The following FOXP4 variants were observed in gnomAD, a reference collection of about 807,000 sequenced individuals.
The protein encoded by FOXP4 is forkhead box P4.
FOXP4 carries 25 observed loss-of-function variants against 82.6 expected under a neutral mutation model. The ratio of observed to expected loss-of-function variants is 0.30; its 90% CI spans 0.22 to 0.42. The LOEUF (loss-of-function observed/expected upper bound fraction) is 0.42, where lower values mean the gene tolerates loss of function less well. FOXP4 is among the 10% of genes least tolerant of loss of function. FOXP4 has a pLI of 1.00. For synonymous variants in FOXP4, 415 were observed against 388.2 expected, an observed-to-expected ratio of 1.07 and a Z score of -0.81; for missense variants, 785 against 900.9, an observed-to-expected ratio of 0.87 and a Z score of 1.65.
At chr6:41,589,674 C>A in intron 9 of FOXP4, 97 bp from the exon 10 acceptor site, 2 of 1,250,012 alleles carry the variant, frequency 1.6e-6, no homozygotes, top group Non-Finnish European at 2.3e-6. Context: ...GGGTGGGAAT[C>A]GGCGGCCTTC....
Position 41,588,728 on chromosome 6 carries a change from C to A in FOXP4, c.1062C>A (p.Ile354=), listed in dbSNP as rs751730569. ...TGCAGGTGGTGCAGCAGCTGGAGATCCAGGTGTGGCCCGGAAGATGCTGGG... is the reference window on the plus strand; with the variant it reads ...TGCAGGTGGTGCAGCAGCTGGAGATACAGGTGTGGCCCGGAAGATGCTGGG... ...VQMQVVQQLE[I]QLAKESERLQ... The change falls in exon 9 of 17, where the codon ATC becomes ATA. Residue 354 remains isoleucine (I), a synonymous_variant. Transcript: ENST00000307972. 1 of 1,613,428 alleles carries A rather than the reference C, an allele frequency of 6.2e-7. No individual in the cohort carries two copies. The highest frequency in any genetic ancestry group is 8.5e-7 in the Non-Finnish European group (1 of 1,180,018).
chr6:41,586,875 C>T (rs1456465202), intron 5 of FOXP4, 134 bp from the exon 6 acceptor site: 1 of 1,384,554 alleles, frequency 7.2e-7, no homozygotes, highest in South Asian at 1.5e-5. Context: ...AGAGACACTG[C>T]AGCTGCAGAC....
chr6:41,570,139 T>A, intron 2 of FOXP4: 1 of 347,560 alleles, frequency 2.9e-6, no homozygotes, highest in Non-Finnish European at 5.8e-6. Context: ...TTGTCTTTGG[T>A]CTGCAGGTCC....
chr6:41,554,897 T>C (rs1581700909), intron 1 of FOXP4, among the ~76,000 whole-genome samples: 2 of 150,278 alleles, frequency 1.3e-5, no homozygotes, highest in South Asian at 2.1e-4. Context: ...TACAAGAAGA[T>C]CTCAGAGAGA....
chr6:41,600,689 C>G lies in FOXP4; in HGVS notation c.*1753C>G, dbSNP rs1767178782. The G allele has an allele frequency of 6.6e-6, 1 of 152,334 alleles. No homozygotes were observed. The highest frequency in any genetic ancestry group is 1.5e-5 in the Non-Finnish European group (1 of 68,124). The allele number at this position is 152,334 out of a possible 1,614,324, so 9.4% of individuals were successfully genotyped here. A position where few individuals can be genotyped will look rare whatever the true frequency, so the allele number is the denominator to read the frequency against. On this transcript the variant is annotated 3_prime_UTR_variant, in exon 17 of 17. Transcript: ENST00000307972. Reference sequence around the variant, plus strand: ...ATTAAAGCTGAAAGATCGCTCTGCTCGGGGAGCCTGGGCAGAGCAGCAGCA... The same window carrying G: ...ATTAAAGCTGAAAGATCGCTCTGCTGGGGGAGCCTGGGCAGAGCAGCAGCA...
At chr6:41,590,705 A>G (rs3800285) in intron 12 of FOXP4, among the ~76,000 whole-genome samples, 60,860 of 151,910 alleles carry the variant, frequency 0.4, 12,917 homozygotes, top group African/African-American at 0.53. Flanking sequence ...CATGTCACCA[A>G]TGTTCACATA....
Position 41,600,330 on chromosome 6 carries a change from T to C in FOXP4, c.*1394T>C, listed in dbSNP as rs1269269474. 1.3e-5 allele frequency: 2 copies of C among 152,716 alleles called. No individual in the cohort carries two copies. Among genetic ancestry groups the C allele is most frequent in the Non-Finnish European group, 2.9e-5 (2 of 68,214 alleles). The allele number at this position is 152,716 out of a possible 1,614,324, so 9.5% of individuals were successfully genotyped here. A position where few individuals can be genotyped will look rare whatever the true frequency, so the allele number is the denominator to read the frequency against. ...CTCTCTAGGACCAAGTCACCCGTCG[T>C]GCTGGGAGTGTGGATTCTAGCAAAA... On this transcript the variant is annotated 3_prime_UTR_variant, in exon 17 of 17. Transcript: ENST00000307972.
chr6:41,577,926 C>G, intron 2 of FOXP4, 60 bp from the exon 3 acceptor site: 8 of 1,317,864 alleles, frequency 6.1e-6, no homozygotes, highest in Non-Finnish European at 8.6e-6. Flanking sequence ...CAAACACTCC[C>G]TAATCCCTGG....
At chr6:41,595,669 C>G (rs1353426928) in intron 14 of FOXP4, among the ~76,000 whole-genome samples, 2 of 150,772 alleles carry the variant, frequency 1.3e-5, no homozygotes, top group Non-Finnish European at 3.0e-5. Context: ...ATGGCACGAT[C>G]TCAGCTCACT....
chr6:41,597,153 A>C, intron 14 of FOXP4, 23 bp from the exon 15 acceptor site: 1 of 1,613,592 alleles, frequency 6.2e-7, no homozygotes, highest in South Asian at 1.1e-5. Context: ...AGTGAGCCAA[A>C]GATGGCCTTC....
intron 9 of FOXP4, 70 bp downstream of exon 9, chr6:41,588,801 G>A (rs1350330101): frequency 6.5e-7 from 1 of 1,547,386 alleles, no homozygotes; most frequent in Non-Finnish European, 8.9e-7. Context: ...GCACTGACTT[G>A]CTAGGTGGGC....
chr6:41,580,688 T>C (rs996844005), intron 3 of FOXP4, among the ~76,000 whole-genome samples: 2 of 152,162 alleles, frequency 1.3e-5, no homozygotes, highest in African/African-American at 4.8e-5. Context: ...TGAAATGTTC[T>C]TCTATGAGCT....
chr6:41,555,999 T>C (rs1360182599), intron 1 of FOXP4, among the ~76,000 whole-genome samples: 2 of 152,024 alleles, frequency 1.3e-5, no homozygotes, highest in Admixed American at 6.6e-5. Context: ...GAAGGGGTAT[T>C]GAGGGAGGCC....
Position 41,591,281 on chromosome 6 carries a change from A to G in FOXP4, c.1495A>G (p.Arg499Gly). 1 of 1,609,324 alleles carries G rather than the reference A, an allele frequency of 6.2e-7. No individual in the cohort carries two copies. Among genetic ancestry groups the G allele is most frequent in the Non-Finnish European group, 8.5e-7 (1 of 1,177,862 alleles). Residue 499 changes from arginine to glycine, a missense_variant, in exon 13 of 17, where the codon AGG becomes GGG. Coordinates refer to ENST00000307972, the MANE Select transcript of FOXP4 (RefSeq NM_001012426.2). This position sits in a 1 kb window ranked among gnomAD's most constrained non-coding sequence, Gnocchi z 4.2. ...GAATGAGATCTATAACTGGTTCACCAGGATGTTCGCCTATTTCCGCAGAAA... is the reference window on the plus strand; with the variant it reads ...GAATGAGATCTATAACTGGTTCACCGGGATGTTCGCCTATTTCCGCAGAAA... ...TLNEIYNWFT[R>G]MFAYFRRNTA...
At chr6:41,588,341 T>C (rs1045676509) in intron 8 of FOXP4, among the ~76,000 whole-genome samples, 2 of 152,224 alleles carry the variant, frequency 1.3e-5, no homozygotes, top group Admixed American at 6.5e-5. Context: ...CTCCGCTGTC[T>C]CCCAGACCCT....
At chr6:41,580,322 C>T (rs115544593) in intron 3 of FOXP4, among the ~76,000 whole-genome samples, 3,570 of 152,280 alleles carry the variant, frequency 0.023, 64 homozygotes, top group Non-Finnish European at 0.036. Context: ...GTGATCTGCG[C>T]GCCTCTGCCT....
At chr6:41,557,767 T>G (rs2127325743) in intron 1 of FOXP4, among the ~76,000 whole-genome samples, 1 of 152,278 alleles carries the variant, frequency 6.6e-6, no homozygotes, top group Admixed American at 6.5e-5. Context: ...TAGGGTAGGA[T>G]TATGAGTACT....
intron 13 of FOXP4, among the ~76,000 whole-genome samples, chr6:41,594,082 A>G (rs1398947420): frequency 5.9e-5 from 9 of 152,250 alleles, no homozygotes; most frequent in Admixed American, 4.6e-4. Flanking sequence ...CCGGGCTCCC[A>G]TGGTGGTGAG....
intron 2 of FOXP4, among the ~76,000 whole-genome samples, chr6:41,572,440 A>G (rs1438044665): frequency 6.6e-6 from 1 of 152,210 alleles, no homozygotes. Context: ...TACTGAGGAC[A>G]CTGTGAGTGC....
Sources: gnomAD v4.1 joint callset for allele counts (sites outside exome capture counted in the v4.1 genomes callset) on GRCh38, gnomAD v4.1.1 for gene constraint, Gnocchi (gnomAD v3.1) non-coding constraint, MANE v1.5 for transcripts, NCBI Gene and HGNC (gene_info 2026-07-23, HGNC 2026-07-21) for gene names.